The following TRHDE variants were observed in gnomAD, a reference collection of about 807,000 sequenced individuals.
The protein encoded by TRHDE is thyrotropin-releasing hormone-degrading ectoenzyme.
In TRHDE, 72 loss-of-function variants were observed where a neutral mutation model predicts 125.7. The ratio of observed to expected loss-of-function variants is 0.57; its 90% CI spans 0.47 to 0.70. TRHDE has a LOEUF of 0.70. Ranked by LOEUF, TRHDE falls within the 30% of genes least tolerant of loss-of-function variation. The pLI, the probability that TRHDE is intolerant of heterozygous loss-of-function variation, is 0.00. For synonymous variants in TRHDE, 509 were observed against 509.1 expected, an observed-to-expected ratio of 1.00 and a Z score of 0.00; for missense variants, 1,110 against 1,327.1, an observed-to-expected ratio of 0.84 and a Z score of 2.54.
In TRHDE at chr12:72,469,928, T is replaced by A. The variant is rs1023923640; in HGVS notation, c.1470+16T>A. 1.2e-6 allele frequency: 2 copies of A among 1,612,864 alleles called. No homozygotes were observed. Among genetic ancestry groups the A allele is most frequent in the Non-Finnish European group, 1.7e-6 (2 of 1,179,446 alleles). On this transcript the variant is annotated intron_variant, in intron 4 of 18. Coordinates refer to ENST00000261180, the MANE Select transcript of TRHDE (RefSeq NM_013381.3). ...ATGTCACCAGGTATGAGAAAAAGAA[T>A]CAGGTGTAAGTATAATGTGAAAGCT...
intron 3 of TRHDE, chr12:72,431,867 T>A (rs577708993): frequency 6.4e-6 from 1 of 157,148 alleles, no homozygotes; most frequent in Non-Finnish European, 1.4e-5. Context: ...TCTGAGCAAT[T>A]TCTTGGACCA....
At chr12:72,185,076 G>C (rs757591613) in intron 2 of TRHDE, among the ~76,000 whole-genome samples, 1 of 152,148 alleles carries the variant, frequency 6.6e-6, no homozygotes, top group Non-Finnish European at 1.5e-5. Flanking sequence ...TGCCTGCGGC[G>C]CTTGCGGGCC....
intron 3 of TRHDE, among the ~76,000 whole-genome samples, chr12:72,430,623 CTA>C (rs1004565828): frequency 1.3e-5 from 2 of 151,748 alleles, no homozygotes; most frequent in African/African-American, 4.8e-5. Context: ...TCCCCCTGAT[CTA>C]TATGTCTGTC....
chr12:72,380,833 C>G (rs1395189434), intron 3 of TRHDE, among the ~76,000 whole-genome samples: 1 of 146,382 alleles, frequency 6.8e-6, no homozygotes, highest in East Asian at 2.1e-4. Flanking sequence ...CTCCCTCTCT[C>G]CCTCCCTCCC....
chr12:72,229,398 C>T (rs112860968), intron 2 of TRHDE, among the ~76,000 whole-genome samples: 1,844 of 152,236 alleles, frequency 0.012, 20 homozygotes, highest in Middle Eastern at 0.017. Context: ...GGAAAGACCT[C>T]CCCTCCATGA....
At chr12:72,478,577 C>T (rs368489550) in intron 5 of TRHDE, among the ~76,000 whole-genome samples, 15 of 152,154 alleles carry the variant, frequency 9.9e-5, no homozygotes, top group South Asian at 6.2e-4. Flanking sequence ...CTCCCTGTTA[C>T]GGGAGAAAGG....
Position 72,125,437 on chromosome 12 carries a change from A to G in TRHDE, n.279+19685A>G, listed in dbSNP as rs192768722. 4.3e-4 allele frequency among the ~76,000 whole-genome samples: 66 copies of G among 152,208 alleles called. 1 individual carries two copies. In the East Asian group the frequency reaches 0.012, roughly 28 times the overall value. The stretch of plus-strand genomic sequence containing the variant: ...AGGTGCCCATGATAGAGTTGGTTAT[A>G]TTTTTGGTATTAGGACAAGTGAACA... On this transcript the variant is annotated intron_variant and non_coding_transcript_variant, in intron 2 of 4. Transcript: ENST00000548156.
chr12:72,383,469 C>T (rs771805583), intron 3 of TRHDE, among the ~76,000 whole-genome samples: 16 of 147,444 alleles, frequency 1.1e-4, no homozygotes, highest in East Asian at 6.0e-4. Context: ...CTCCGCCTTC[C>T]GGGTTCAGCT....
At chr12:72,104,913 C>T (rs191143306) in intron 1 of TRHDE, among the ~76,000 whole-genome samples, 148 of 152,264 alleles carry the variant, frequency 9.7e-4, no homozygotes, top group African/African-American at 2.6e-3. Flanking sequence ...CTTTGCCTCT[C>T]TCTGTGCTCC....
intron 1 of TRHDE, among the ~76,000 whole-genome samples, chr12:72,275,111 C>T (rs1158602990): frequency 2.0e-5 from 3 of 152,144 alleles, no homozygotes; most frequent in Non-Finnish European, 2.9e-5. Context: ...AAAATGGGCT[C>T]GGAGAAGCCC....
intron 2 of TRHDE, among the ~76,000 whole-genome samples, chr12:72,169,437 CT>C (rs1298120982): frequency 6.6e-6 from 1 of 152,160 alleles, no homozygotes; most frequent in Admixed American, 6.5e-5. Context: ...GGCTAGACGT[CT>C]CAGATCAAGG....
intron 6 of TRHDE, among the ~76,000 whole-genome samples, chr12:72,506,404 G>A (rs951102402): frequency 2.0e-5 from 3 of 152,140 alleles, no homozygotes; most frequent in Admixed American, 6.6e-5. Flanking sequence ...ATTATCCTAT[G>A]AGTACTACAA....
At chr12:72,338,883 T>G (rs753813042) in intron 2 of TRHDE, among the ~76,000 whole-genome samples, 4 of 152,184 alleles carry the variant, frequency 2.6e-5, no homozygotes, top group Non-Finnish European at 5.9e-5. Flanking sequence ...TGGTTTGAGT[T>G]CTTTAAAGAA....
chr12:72,320,040 A>G (rs151329133), intron 2 of TRHDE, among the ~76,000 whole-genome samples: 2,260 of 152,234 alleles, frequency 0.015, 50 homozygotes, highest in African/African-American at 0.052. Context: ...TTGATTCTCC[A>G]GGTGAGGCTT....
At chr12:72,642,697 G>A (rs189433923) in intron 15 of TRHDE, among the ~76,000 whole-genome samples, 5 of 152,202 alleles carry the variant, frequency 3.3e-5, no homozygotes, top group Admixed American at 3.3e-4. Context: ...CTCAAGCAGT[G>A]TTTAAAGAGA....
intron 12 of TRHDE, among the ~76,000 whole-genome samples, chr12:72,586,213 TC>T (rs1871433310): frequency 6.6e-6 from 1 of 152,208 alleles, no homozygotes; most frequent in African/African-American, 2.4e-5. Context: ...TATAAAAGAT[TC>T]CATTTTTAAC....
chr12:72,151,194 C>A (rs1460417187), intron 2 of TRHDE, among the ~76,000 whole-genome samples: 1 of 152,180 alleles, frequency 6.6e-6, no homozygotes, highest in Non-Finnish European at 1.5e-5. Context: ...GCATAAATGT[C>A]TTCTTTTGAG....
chr12:72,272,096 C>T (rs1457848726), upstream of TRHDE: 4 of 457,566 alleles, frequency 8.7e-6, no homozygotes, highest in African/African-American at 4.0e-5. This position sits in a 1 kb window ranked among gnomAD's most constrained non-coding sequence, Gnocchi z 6.7. Flanking sequence ...GCTCGGGTGC[C>T]TCCCGTGCTG....
At chr12:72,279,832 T>A (rs1879628185) in intron 1 of TRHDE, among the ~76,000 whole-genome samples, 1 of 152,104 alleles carries the variant, frequency 6.6e-6, no homozygotes, top group Non-Finnish European at 1.5e-5. Flanking sequence ...GTGAATTAAT[T>A]CCTCCCAGTG....
Sources: gnomAD v4.1 joint callset for allele counts (sites outside exome capture counted in the v4.1 genomes callset) on GRCh38, gnomAD v4.1.1 for gene constraint, Gnocchi (gnomAD v3.1) non-coding constraint, MANE v1.5 for transcripts, NCBI Gene and HGNC (gene_info 2026-07-23, HGNC 2026-07-21) for gene names.